Variants in PHC2 observed in about 807,000 individuals in gnomAD.
PHC2 encodes polyhomeotic-like protein 2.
Under a neutral mutation model 87.4 loss-of-function variants are expected in PHC2, and 29 were observed. The ratio of observed to expected loss-of-function variants is 0.33; its 90% confidence interval spans 0.25 to 0.45. The LOEUF is 0.45. PHC2 is among the 20% of genes least tolerant of loss of function. The probability of loss-of-function intolerance (pLI) is 1.00; values close to 1 mark genes in which losing one functional copy is unlikely to be tolerated. For missense variants in PHC2, 857 were observed against 1,136.7 expected, an observed-to-expected ratio of 0.75 and a Z score of 3.54; for synonymous variants, 438 against 461.7, an observed-to-expected ratio of 0.95 and a Z score of 0.66.
chr1:33,372,223 C>T, intron 3 of PHC2, 66 bp downstream of exon 3: 1 of 1,451,800 alleles, frequency 6.9e-7, no homozygotes, highest in Admixed American at 2.3e-5. Flanking sequence ...GTGCCTGCTT[C>T]CTCTCCCTTT....
intron 9 of PHC2, among the ~76,000 whole-genome samples, chr1:33,351,969 A>G (rs1296190756): frequency 6.6e-6 from 1 of 151,314 alleles, no homozygotes; most frequent in Non-Finnish European, 1.5e-5. Context: ...AAAAAAAAAA[A>G]AAAGACATAC....
intron 1 of PHC2, among the ~76,000 whole-genome samples, chr1:33,392,367 T>C (rs1649104156): frequency 6.6e-6 from 1 of 152,238 alleles, no homozygotes. Context: ...TTTTTTTTTC[T>C]GTTATGCCTC....
intron 9 of PHC2, among the ~76,000 whole-genome samples, chr1:33,343,696 A>C (rs556688167): frequency 1.3e-5 from 2 of 152,178 alleles, no homozygotes; most frequent in African/African-American, 4.8e-5. Context: ...AGATTAGGAA[A>C]TCATTCTAAT....
At chr1:33,411,528 A>G (rs1649981220) in intron 1 of PHC2, among the ~76,000 whole-genome samples, 1 of 152,114 alleles carries the variant, frequency 6.6e-6, no homozygotes, top group African/African-American at 2.4e-5. Context: ...CAGCATATTA[A>G]TAAAGAAAGT....
At chr1:33,346,534 G>A (rs527375812) in intron 9 of PHC2, 4 of 985,108 alleles carry the variant, frequency 4.1e-6, no homozygotes, top group Non-Finnish European at 4.8e-6. Context: ...TTGAACAGCT[G>A]GGAGAAGTTT....
intron 1 of PHC2, among the ~76,000 whole-genome samples, chr1:33,417,179 A>T (rs1469863263): frequency 6.6e-6 from 1 of 152,022 alleles, no homozygotes; most frequent in East Asian, 1.9e-4. Context: ...GGTCAAGATT[A>T]AGAAACTCAA....
chr1:33,410,728 A>G (rs1231569094), intron 1 of PHC2, among the ~76,000 whole-genome samples: 1 of 152,204 alleles, frequency 6.6e-6, no homozygotes, highest in Non-Finnish European at 1.5e-5. Flanking sequence ...TGCTATTTCC[A>G]TTTGTAGGAC....
chr1:33,383,374 G>A (rs997830466), intron 1 of PHC2, among the ~76,000 whole-genome samples: 19 of 152,208 alleles, frequency 1.2e-4, no homozygotes, highest in African/African-American at 3.9e-4. Flanking sequence ...AAAAATAGAA[G>A]TGAAGGATGA....
chr1:33,420,826 G>A (rs1214984344), intron 1 of PHC2, among the ~76,000 whole-genome samples: 1 of 151,896 alleles, frequency 6.6e-6, no homozygotes, highest in Non-Finnish European at 1.5e-5. Flanking sequence ...GCCCAGATTA[G>A]TCTCAAACTC....
rs182671149 is a variant in PHC2 at position 33,430,333 on chromosome 1, T to C, written c.-55+643A>G. Among the ~76,000 whole-genome samples, 989 of 152,320 alleles carry C rather than the reference T, an allele frequency of 6.5e-3. 42 individuals are homozygous for C. Among genetic ancestry groups the C allele is most frequent in the Admixed American group, 0.059 (898 of 15,308 alleles). On this transcript the variant is annotated intron_variant, in intron 1 of 14. Transcript: ENST00000683057. Reference sequence around the variant, plus strand: ...TCCTTCTCCAACCTTGGGGCCCGCTTTTCCTTTAGACGACTGTTCTCTCCT... The same window carrying C: ...TCCTTCTCCAACCTTGGGGCCCGCTCTTCCTTTAGACGACTGTTCTCTCCT...
intron 1 of PHC2, among the ~76,000 whole-genome samples, chr1:33,389,056 T>C (rs969629677): frequency 2.1e-4 from 16 of 77,920 alleles, no homozygotes; most frequent in African/African-American, 1.1e-3. Context: ...GAAATGTTCT[T>C]GTTAAAAAAA....
chr1:33,410,101 C>A (rs2148390315), intron 1 of PHC2, among the ~76,000 whole-genome samples: 1 of 152,302 alleles, frequency 6.6e-6, no homozygotes, highest in Middle Eastern at 3.4e-3. Context: ...AACCTGCCCC[C>A]ACTCCTTTAT....
At chr1:33,341,697 A>G (rs1646748652) in intron 9 of PHC2, among the ~76,000 whole-genome samples, 1 of 152,274 alleles carries the variant, frequency 6.6e-6, no homozygotes, top group African/African-American at 2.4e-5. Flanking sequence ...CAACGAATTT[A>G]CACATTGATT....
At chr1:33,427,389 G>A (rs201311156) in intron 1 of PHC2, among the ~76,000 whole-genome samples, 20 of 152,276 alleles carry the variant, frequency 1.3e-4, no homozygotes, top group African/African-American at 3.1e-4. Context: ...TTAGGTCAAC[G>A]AAAATAATGA....
At chr1:33,421,618 C>T (rs1424519068) in intron 1 of PHC2, among the ~76,000 whole-genome samples, 1 of 152,154 alleles carries the variant, frequency 6.6e-6, no homozygotes, top group Non-Finnish European at 1.5e-5. Flanking sequence ...ACAAGAGAAG[C>T]TGAAAACTCA....
At chr1:33,346,492 G>A in intron 9 of PHC2, 1 of 985,294 alleles carries the variant, frequency 1.0e-6, no homozygotes, top group Non-Finnish European at 1.2e-6. Context: ...ATCTTTCTAT[G>A]GCTGGAACTA....
intron 6 of PHC2, 140 bp from the exon 7 acceptor site, chr1:33,367,568 G>A: frequency 1.4e-6 from 1 of 693,760 alleles, no homozygotes; most frequent in South Asian, 2.3e-5. Flanking sequence ...GAATGTGTTA[G>A]GGGCTAGAAG....
intron 1 of PHC2, among the ~76,000 whole-genome samples, chr1:33,415,294 C>G (rs963375669): frequency 6.6e-6 from 1 of 152,166 alleles, no homozygotes; most frequent in African/African-American, 2.4e-5. Context: ...TGGAAGGGAG[C>G]AGGCAGAACC....
chr1:33,365,666 C>T (rs1647407426), intron 7 of PHC2, among the ~76,000 whole-genome samples: 1 of 152,222 alleles, frequency 6.6e-6, no homozygotes, highest in Admixed American at 6.5e-5. Flanking sequence ...CAGTGAGAAA[C>T]ATCTGAAGCC....
Sources: gnomAD v4.1 joint callset for allele counts (sites outside exome capture counted in the v4.1 genomes callset) on GRCh38, gnomAD v4.1.1 for gene constraint, MANE v1.5 for transcripts, NCBI Gene and HGNC (gene_info 2026-07-23, HGNC 2026-07-21) for gene names.